The following NHSL1 variants were observed in gnomAD, a reference collection of about 807,000 sequenced individuals.
NHSL1 encodes the protein NHS like 1.
In NHSL1, 48 loss-of-function variants were observed where a neutral mutation model predicts 95.0. The ratio of observed to expected loss-of-function variants is 0.51; its 90% CI spans 0.40 to 0.64. The LOEUF (loss-of-function observed/expected upper bound fraction) is 0.64. Among genes scored for constraint, NHSL1 ranks in the 30% least tolerant of loss-of-function variants. NHSL1 has a pLI of 0.00. For missense variants in NHSL1, 1,971 were observed against 2,077.7 expected, an observed-to-expected ratio of 0.95 and a Z score of 1.00; for synonymous variants, 783 against 833.9, an observed-to-expected ratio of 0.94 and a Z score of 1.05.
chr6:138,656,796 C>T (rs573228535), intron 1 of NHSL1, among the ~76,000 whole-genome samples: 2 of 152,204 alleles, frequency 1.3e-5, no homozygotes, highest in East Asian at 1.9e-4. Flanking sequence ...TCCAAAAAAG[C>T]GTTCAGCTTC....
intron 1 of NHSL1, among the ~76,000 whole-genome samples, chr6:138,630,214 A>G (rs1583457751): frequency 1.3e-5 from 2 of 149,460 alleles, no homozygotes; most frequent in Admixed American, 6.7e-5. Flanking sequence ...CTCCCCGCCC[A>G]CTCCCACCAA....
At chr6:138,574,132 C>T (rs992572127), upstream of NHSL1, among the ~76,000 whole-genome samples, 3 of 152,024 alleles carry the variant, frequency 2.0e-5, no homozygotes, top group African/African-American at 4.8e-5. Flanking sequence ...AGGGTTTCAC[C>T]GTGTTAGCCA....
At chr6:138,587,339 T>C (rs1206713459) in intron 1 of NHSL1, among the ~76,000 whole-genome samples, 2 of 151,166 alleles carry the variant, frequency 1.3e-5, no homozygotes, top group Non-Finnish European at 2.9e-5. Flanking sequence ...CTCAGCACTT[T>C]GGGAAGCTGA....
chr6:138,494,896 T>C (rs995760997), intron 2 of NHSL1, among the ~76,000 whole-genome samples: 1 of 152,234 alleles, frequency 6.6e-6, no homozygotes, highest in Non-Finnish European at 1.5e-5. Flanking sequence ...ACTACTTTCC[T>C]TCTTTATCAC....
intron 1 of NHSL1, among the ~76,000 whole-genome samples, chr6:138,515,884 A>G (rs1226196431): frequency 6.6e-6 from 1 of 152,198 alleles, no homozygotes; most frequent in Non-Finnish European, 1.5e-5. Context: ...GAAGACAGTG[A>G]ATCGTCTGGA....
chr6:138,555,600 T>C (rs1445111519), intron 1 of NHSL1, among the ~76,000 whole-genome samples: 1 of 152,222 alleles, frequency 6.6e-6, no homozygotes, highest in Non-Finnish European at 1.5e-5. Context: ...ATGAATTCTG[T>C]TCTTGTGCGG....
chr6:138,469,107 C>T (rs950839505), intron 3 of NHSL1, among the ~76,000 whole-genome samples: 15 of 152,080 alleles, frequency 9.9e-5, no homozygotes, highest in African/African-American at 2.9e-4. Flanking sequence ...TGGATGCATC[C>T]GTGCATCACA....
chr6:138,509,605 G>A (rs1781126354), intron 1 of NHSL1, among the ~76,000 whole-genome samples: 1 of 152,114 alleles, frequency 6.6e-6, no homozygotes, highest in Admixed American at 6.5e-5. Context: ...CGACACACTG[G>A]TGCATGAAAA....
At chr6:138,488,860 C>T (rs1165847935) in intron 2 of NHSL1, among the ~76,000 whole-genome samples, 1 of 152,150 alleles carries the variant, frequency 6.6e-6, no homozygotes, top group African/African-American at 2.4e-5. Context: ...GGCCAGCATG[C>T]GTGAGCACCA....
chr6:138,582,815 AC>A (rs1254079473), intron 1 of NHSL1, among the ~76,000 whole-genome samples: 8 of 152,108 alleles, frequency 5.3e-5, no homozygotes, highest in Admixed American at 5.2e-4. Context: ...CATCTTTTCC[AC>A]CGGCTTTACT....
In NHSL1 at chr6:138,679,620, C is replaced by A. The variant is rs192038295; in HGVS notation, c.96+12856G>T. Among the ~76,000 whole-genome samples, 148 of 152,160 alleles carry A rather than the reference C, an allele frequency of 9.7e-4. 1 individual carries two copies. Among genetic ancestry groups the A allele is most frequent in the African/African-American group, 3.4e-3 (143 of 41,496 alleles). On this transcript the variant is annotated intron_variant, in intron 1 of 3. Transcript: ENST00000491526. ...AATAATTAAATCCTTGAAGAAGAGGCCCTAGGAAGCCCAGAAGAATAACAA... is the reference window on the plus strand; with the variant it reads ...AATAATTAAATCCTTGAAGAAGAGGACCTAGGAAGCCCAGAAGAATAACAA...
At chr6:138,659,510 T>C (rs539255555) in intron 1 of NHSL1, among the ~76,000 whole-genome samples, 25 of 152,292 alleles carry the variant, frequency 1.6e-4, no homozygotes, top group African/African-American at 5.8e-4. Context: ...GGGCACCTCC[T>C]GCCAAGTTAG....
intron 7 of NHSL1, among the ~76,000 whole-genome samples, chr6:138,426,119 T>C (rs1378115656): frequency 6.6e-6 from 1 of 152,206 alleles, no homozygotes; most frequent in Non-Finnish European, 1.5e-5. Context: ...AGTCTGTGTC[T>C]CTTAGCTAAG....
intron 1 of NHSL1, chr6:138,545,511 C>A: frequency 1.3e-6 from 1 of 784,072 alleles, no homozygotes; most frequent in Middle Eastern, 2.7e-4. Flanking sequence ...TACAAAACTC[C>A]CTCAAACTTT....
At chr6:138,616,036 CAGAAA>C (rs962607126) in intron 1 of NHSL1, among the ~76,000 whole-genome samples, 1 of 152,146 alleles carries the variant, frequency 6.6e-6, no homozygotes, top group Non-Finnish European at 1.5e-5. Flanking sequence ...TTTTTTAAAA[CAGAAA>C]AGAAAACAAT....
In NHSL1 at chr6:138,650,644, C is replaced by T. The variant is rs530702351; in HGVS notation, c.96+41832G>A. 12 of 568,022 alleles carry T rather than the reference C, an allele frequency of 2.1e-5. No homozygotes were observed. The East Asian group carries it at 5.5e-4, about 26-fold the overall frequency. 35.2% of individuals were successfully genotyped at this position (568,022 alleles called of 1,614,324 possible). Reference sequence around the variant, plus strand: ...GAGCTCAGCACGCCACTATCCTTGGCTTCCCATCCCACAAACTGGACCATC... The same window carrying T: ...GAGCTCAGCACGCCACTATCCTTGGTTTCCCATCCCACAAACTGGACCATC... On this transcript the variant is annotated intron_variant, in intron 1 of 3. Transcript: ENST00000491526.
chr6:138,550,061 G>A (rs889997711), upstream of NHSL1, among the ~76,000 whole-genome samples: 5 of 152,014 alleles, frequency 3.3e-5, no homozygotes, highest in African/African-American at 1.2e-4. Flanking sequence ...CCAACATGGC[G>A]AAACCCCATC....
chr6:138,432,423 A>G lies in NHSL1; in HGVS notation c.1922T>C (p.Val641Ala). The change falls in exon 6 of 8, where the codon GTT becomes GCT. Residue 641 changes from valine to alanine, a missense_variant. By Grantham distance (64) the Val-to-Ala change is moderately conservative. This residue lies in a region of NHSL1 where 1,602 missense variants were observed against 1,654.5 expected (regional missense o/e 0.97). Transcript: ENST00000343505. The surrounding 1 kb of genome is among the most constrained non-coding windows in gnomAD (Gnocchi z 4.4). ...CCCTTGGTTTTTCTGAGCTCTTCCA[A>G]CAAAAACATTGATCACGCTGTGCCT... ...NPRHSVINVF[V>A]GRAQKNQGDR... is the part of the protein sequence containing the mutation. 1.9e-6 allele frequency: 3 copies of G among 1,552,320 alleles called. No homozygotes were observed. The highest frequency in any genetic ancestry group is 4.9e-5 in the East Asian group (2 of 40,904).
chr6:138,521,465 C>CAAACA lies in NHSL1; in HGVS notation c.16+24153_16+24157dup, dbSNP rs934798407. Among the ~76,000 whole-genome samples, 7 of 152,268 alleles carry CAAACA rather than the reference C, an allele frequency of 4.6e-5. No individual in the cohort carries two copies. The East Asian group carries it at 5.8e-4, about 13-fold the overall frequency. ...TGGGCAGCAAAGTGAGACCCTGCCT[C>CAAACA]AAACAAAACAAAACAGCTACCCCCT... On this transcript the variant is annotated intron_variant, in intron 1 of 4. Coordinates refer to the NHSL1 transcript ENST00000342260.
Sources: gnomAD v4.1 joint callset for allele counts (sites outside exome capture counted in the v4.1 genomes callset) on GRCh38, gnomAD v4.1.1 for gene constraint, gnomAD v4.1.1 regional missense constraint, Gnocchi (gnomAD v3.1) non-coding constraint, MANE v1.5 for transcripts, NCBI Gene and HGNC (gene_info 2026-07-23, HGNC 2026-07-21) for gene names.